KIF1B: variants seen among roughly 807,000 people sequenced by gnomAD.
KIF1B encodes the protein kinesin family member 1B.
KIF1B carries 76 observed loss-of-function variants against 241.9 expected under a neutral mutation model. The observed-to-expected ratio is 0.31, with a 90% CI of 0.26 to 0.38. The LOEUF (loss-of-function observed/expected upper bound fraction) is 0.38, where lower values mean the gene tolerates loss of function less well. KIF1B is among the 10% of genes least tolerant of loss of function. The pLI is 1.00. For missense variants in KIF1B, 1,622 were observed against 2,271.4 expected (o/e 0.71, Z 5.81); for synonymous variants, 750 against 796.7 (o/e 0.94, Z 0.99).
intron 33 of KIF1B, among the ~76,000 whole-genome samples, chr1:10,343,026 G>A (rs1302009719): frequency 6.6e-6 from 1 of 152,192 alleles, no homozygotes; most frequent in African/African-American, 2.4e-5. Context: ...AAGTCAAACA[G>A]TTTCTCTCTT....
Position 10,210,595 on chromosome 1 carries a change from G to C in KIF1B, c.-363G>C, listed in dbSNP as rs1646678893. Among the ~76,000 whole-genome samples the C allele has an allele frequency of 6.6e-6, 1 of 151,972 alleles. No individual in the cohort carries two copies. The highest frequency in any genetic ancestry group is 1.5e-5 in the Non-Finnish European group (1 of 67,952). On this transcript the variant is annotated 5_prime_UTR_variant, in exon 1 of 49. Transcript: ENST00000676179. The surrounding 1 kb of genome is among the most constrained non-coding windows in gnomAD (Gnocchi z 4.1). ...AGTGTGACGGCAGCGGTCCTGGGAG[G>C]CGCCCGCGCGCGTCGGAGCAGCTCC...
intron 22 of KIF1B, among the ~76,000 whole-genome samples, chr1:10,297,605 T>C (rs565772070): frequency 6.6e-6 from 1 of 152,348 alleles, no homozygotes; most frequent in South Asian, 2.1e-4. Context: ...ATATTGAATT[T>C]GGTGAGAGTT....
chr1:10,267,319 C>T (rs549768965), intron 5 of KIF1B, 61 bp from the exon 6 acceptor site: 272 of 1,496,448 alleles, frequency 1.8e-4, no homozygotes, highest in African/African-American at 1.7e-3. Context: ...TGAGCCACCG[C>T]GCCCGGCTTC....
Position 10,326,400 on chromosome 1 carries a change from T to C in KIF1B, c.2924+41T>C. On this transcript the variant is annotated intron_variant, in intron 27 of 48. Coordinates refer to ENST00000676179, the MANE Select transcript of KIF1B (RefSeq NM_001365951.3). This position sits in a 1 kb window ranked among gnomAD's most constrained non-coding sequence, Gnocchi z 5.2. ...GTGAGAAAGGCGAAAAGGGACCAGC[T>C]CTTGCTCTGAAGGCCTCCCTGCTTG... 2 of 1,613,282 alleles carry C rather than the reference T, an allele frequency of 1.2e-6. No homozygotes were observed. Among genetic ancestry groups the C allele is most frequent in the South Asian group, 2.2e-5 (2 of 90,960 alleles).
chr1:10,313,888 A>T (rs1211773766), intron 22 of KIF1B, among the ~76,000 whole-genome samples: 1 of 146,760 alleles, frequency 6.8e-6, no homozygotes, highest in Non-Finnish European at 1.5e-5. Flanking sequence ...TACTGAAAAA[A>T]TTATTATTAT....
At chr1:10,295,538 A>G in intron 18 of KIF1B, 122 bp from the exon 19 acceptor site, 1 of 862,940 alleles carries the variant, frequency 1.2e-6, no homozygotes, top group Non-Finnish European at 2.0e-6. Flanking sequence ...AAAGCTTCTG[A>G]TGCAACAAGG....
At chr1:10,329,746 A>AT (rs375986652) in intron 27 of KIF1B, among the ~76,000 whole-genome samples, 1 of 151,698 alleles carries the variant, frequency 6.6e-6, no homozygotes, top group African/African-American at 2.4e-5. Flanking sequence ...GGGAAAAAAA[A>AT]ATTAGTTTCT....
rs980356027 is a variant in KIF1B at position 10,374,099 on chromosome 1, A to G, written c.4947-217A>G. 6.6e-6 allele frequency among the ~76,000 whole-genome samples: 1 copy of G among 152,124 alleles called. No homozygotes were observed. Among genetic ancestry groups the G allele is most frequent in the African/African-American group, 2.4e-5 (1 of 41,420 alleles). On this transcript the variant is annotated intron_variant, in intron 45 of 48. Coordinates refer to ENST00000676179, the MANE Select transcript of KIF1B (RefSeq NM_001365951.3). The surrounding 1 kb of genome is among the most constrained non-coding windows in gnomAD (Gnocchi z 4.3). ...GTGACCCAGTGGCCATCAATGATCA[A>G]TTTCCTTTCATAACTTCAGAAGGAT...
In KIF1B at chr1:10,303,829, G is replaced by T; in HGVS notation, c.2115+6583G>T. 7 of 1,614,202 alleles carry T rather than the reference G, an allele frequency of 4.3e-6. No individual in the cohort carries two copies. Among genetic ancestry groups the T allele is most frequent in the Non-Finnish European group, 5.9e-6 (7 of 1,180,012 alleles). ...AGCAAAGGAGCCTGTTGGTGCTGGT[G>T]TTAGTAGCACCTCTGAGAATAATGT... On this transcript the variant is annotated intron_variant, in intron 22 of 48. Coordinates refer to ENST00000676179, the MANE Select transcript of KIF1B (RefSeq NM_001365951.3). This position sits in a 1 kb window ranked among gnomAD's most constrained non-coding sequence, Gnocchi z 5.2.
chr1:10,351,015 G>T (rs1424894751), intron 37 of KIF1B, among the ~76,000 whole-genome samples: 2 of 144,388 alleles, frequency 1.4e-5, no homozygotes, highest in African/African-American at 2.6e-5. Context: ...TTGAACCTGA[G>T]AAGTCGAGGC....
chr1:10,307,495 A>G (rs1045905778), intron 22 of KIF1B: 8 of 400,546 alleles, frequency 2.0e-5, no homozygotes, highest in Non-Finnish European at 2.8e-5. Flanking sequence ...TTTTTAGTAG[A>G]GACAGGGTTT....
At chr1:10,311,268 G>T (rs1331372790) in intron 22 of KIF1B, among the ~76,000 whole-genome samples, 1 of 147,972 alleles carries the variant, frequency 6.8e-6, no homozygotes, top group Non-Finnish European at 1.5e-5. Flanking sequence ...AGGCTGGAGT[G>T]CAGTGGCACG....
intron 27 of KIF1B, among the ~76,000 whole-genome samples, chr1:10,333,885 G>A (rs1652057174): frequency 4.6e-5 from 7 of 151,864 alleles, no homozygotes; most frequent in Admixed American, 3.9e-4. Flanking sequence ...GGGCACGGTG[G>A]CTCACACCTG....
chr1:10,277,401 T>G (rs888164224), intron 12 of KIF1B, among the ~76,000 whole-genome samples: 1 of 152,156 alleles, frequency 6.6e-6, no homozygotes, highest in African/African-American at 2.4e-5. Context: ...GTGGCAAGAT[T>G]GTAGCTCGCT....
At chr1:10,348,849 C>T in intron 37 of KIF1B, 116 bp downstream of exon 37, 2 of 765,364 alleles carry the variant, frequency 2.6e-6, no homozygotes, top group Non-Finnish European at 4.6e-6. Flanking sequence ...GATCATAGCT[C>T]CCTGTAGCCT....
At position 10,374,675 on chromosome 1, in the gene KIF1B, C is replaced by G. The variant is rs536058442; in HGVS notation, c.5097-179C>G. On this transcript the variant is annotated intron_variant, in intron 46 of 48. Coordinates refer to ENST00000676179, the MANE Select transcript of KIF1B (RefSeq NM_001365951.3). The surrounding 1 kb of genome is among the most constrained non-coding windows in gnomAD (Gnocchi z 4.3). The stretch of plus-strand genomic sequence containing the variant: ...TCTGCACCCTGGCGCAGCATGTTGC[C>G]ATGGCACGGTTTCGCTTTTGCCGTA... 4.3e-4 allele frequency among the ~76,000 whole-genome samples: 66 copies of G among 152,286 alleles called. No individual in the cohort carries two copies. Among genetic ancestry groups the G allele is most frequent in the African/African-American group, 1.6e-3 (65 of 41,562 alleles).
At chr1:10,213,963 C>T (rs1005261446) in intron 1 of KIF1B, among the ~76,000 whole-genome samples, 1 of 151,576 alleles carries the variant, frequency 6.6e-6, no homozygotes, top group African/African-American at 2.4e-5. Flanking sequence ...ATAGCAGGAC[C>T]CCCATCTCTA....
At chr1:10,306,643 C>G (rs1412346302) in intron 22 of KIF1B, 1 of 627,916 alleles carries the variant, frequency 1.6e-6, no homozygotes, top group Non-Finnish European at 2.1e-6. Context: ...ACGGGTGAAC[C>G]CAGCCCAGGT....
chr1:10,217,101 G>A, intron 1 of KIF1B, among the ~76,000 whole-genome samples: 1 of 148,004 alleles, frequency 6.8e-6, no homozygotes, highest in African/African-American at 2.5e-5. Flanking sequence ...AGCCTCCCAA[G>A]TAGCTGGGAT....
Sources: gnomAD v4.1 joint callset for allele counts (sites outside exome capture counted in the v4.1 genomes callset) on GRCh38, gnomAD v4.1.1 for gene constraint, Gnocchi (gnomAD v3.1) non-coding constraint, MANE v1.5 for transcripts, NCBI Gene and HGNC (gene_info 2026-07-23, HGNC 2026-07-21) for gene names.